Variants in CDS2 observed in about 807,000 individuals in gnomAD.
The protein encoded by CDS2 is CDP-diacylglycerol synthase 2.
A neutral mutation model predicts 59.0 loss-of-function variants in CDS2; 47 were observed. The ratio of observed to expected loss-of-function variants is 0.80; its 90% CI spans 0.63 to 1.02. The LOEUF (loss-of-function observed/expected upper bound fraction) is 1.02, where lower values mean the gene tolerates loss of function less well. CDS2 is among the 50% of genes least tolerant of loss of function. The pLI, the probability that CDS2 is intolerant of heterozygous loss-of-function variation, is 0.00. For synonymous variants in CDS2, 207 were observed against 206.4 expected, an observed-to-expected ratio of 1.00 and a Z score of -0.02; for missense variants, 356 against 558.9, an observed-to-expected ratio of 0.64 and a Z score of 3.66.
intron 1 of CDS2, among the ~76,000 whole-genome samples, chr20:5,137,106 A>T (rs556187528): frequency 5.9e-5 from 9 of 151,932 alleles, no homozygotes. Flanking sequence ...GCCACAAAGG[A>T]TATGATTTTA....
intron 1 of CDS2, among the ~76,000 whole-genome samples, chr20:5,135,590 G>C (rs991718902): frequency 1.3e-5 from 2 of 152,174 alleles, no homozygotes; most frequent in African/African-American, 4.8e-5. Context: ...TTGTCATGTG[G>C]TGGTTACTTG....
intron 10 of CDS2, among the ~76,000 whole-genome samples, chr20:5,188,418 C>A (rs1261685384): frequency 6.6e-6 from 1 of 152,160 alleles, no homozygotes; most frequent in Non-Finnish European, 1.5e-5. Context: ...TATCTGCGTA[C>A]GGCTGGATTT....
chr20:5,161,585 A>G (rs61215313), intron 1 of CDS2, among the ~76,000 whole-genome samples: 3,791 of 152,360 alleles, frequency 0.025, 69 homozygotes, highest in East Asian at 0.08. Context: ...CAGTATAGAC[A>G]TAGTTTTATA....
intron 1 of CDS2, among the ~76,000 whole-genome samples, chr20:5,162,847 G>C (rs1245596843): frequency 6.6e-6 from 1 of 152,138 alleles, no homozygotes; most frequent in East Asian, 1.9e-4. Context: ...GCTGAGAGGA[G>C]AATGTTTCAA....
At chr20:5,179,036 G>C in intron 5 of CDS2, 80 bp downstream of exon 5, 1 of 1,388,458 alleles carries the variant, frequency 7.2e-7, no homozygotes. Context: ...GGAATTTCTT[G>C]GTTAGTATAC....
At chr20:5,130,910 T>C (rs2090601099) in intron 1 of CDS2, among the ~76,000 whole-genome samples, 1 of 148,090 alleles carries the variant, frequency 6.8e-6, no homozygotes, top group Non-Finnish European at 1.5e-5. Context: ...GCTAACATGG[T>C]GAAACCCCAT....
chr20:5,144,688 A>T (rs2090724863), intron 1 of CDS2, among the ~76,000 whole-genome samples: 1 of 152,238 alleles, frequency 6.6e-6, no homozygotes, highest in Non-Finnish European at 1.5e-5. Flanking sequence ...GTAAATTTTG[A>T]GACAAAATGT....
rs1216918690 is a variant in CDS2, at chr20:5,196,083, C to G, written c.*5849C>G. On this transcript the variant is annotated 3_prime_UTR_variant, in exon 13 of 13. Coordinates refer to ENST00000460006, the MANE Select transcript of CDS2 (RefSeq NM_003818.4). ...CTACTGGTTTGACTGTGGATTATTT[C>G]CTGGGTATTAGTGGGACCCAACAGC... The G allele has an allele frequency of 6.6e-6, 1 of 152,070 alleles. No individual in the cohort carries two copies. Among genetic ancestry groups the G allele is most frequent in the East Asian group, 1.9e-4 (1 of 5,190 alleles). The allele number at this position is 152,070 out of a possible 1,614,324, so 9.4% of individuals were successfully genotyped here. A position where few individuals can be genotyped will look rare whatever the true frequency, so the allele number is the denominator to read the frequency against.
At chr20:5,164,268 G>A (rs1446676700) in intron 1 of CDS2, among the ~76,000 whole-genome samples, 3 of 152,090 alleles carry the variant, frequency 2.0e-5, no homozygotes, top group Admixed American at 2.0e-4. Flanking sequence ...ACAATATAAT[G>A]TTCCAATATG....
intron 3 of CDS2, chr20:5,176,294 C>T (rs930820535): frequency 3.8e-5 from 7 of 182,766 alleles, no homozygotes; most frequent in Admixed American, 1.7e-4. Context: ...CGGTGGCTCA[C>T]GCCTGTAATC....
At position 5,178,892 on chromosome 20, in the gene CDS2, A is replaced by G. The variant is rs1242302631; in HGVS notation, c.465A>G (p.Arg155=). ...ATTACTTCTTCACCCTGGTCCAGAG[A>G]GAAGAGCCTTTGCGGATTCTCAGTA... ...VTDYFFTLVQ[R]EEPLRILSKY... The change falls in exon 5 of 13, where the codon AGA becomes AGG. Residue 155 remains arginine (R), a synonymous_variant. Transcript: ENST00000460006. 5.0e-6 allele frequency: 8 copies of G among 1,613,552 alleles called. No individual in the cohort carries two copies. The highest frequency in any genetic ancestry group is 3.3e-5 in the Admixed American group (2 of 60,010).
intron 1 of CDS2, among the ~76,000 whole-genome samples, chr20:5,159,160 A>G (rs1384481809): frequency 1.3e-5 from 2 of 152,094 alleles, no homozygotes; most frequent in African/African-American, 4.8e-5. Flanking sequence ...CTAATGTGTT[A>G]CATTTTCTTT....
chr20:5,134,874 G>A (rs889187139), intron 1 of CDS2, among the ~76,000 whole-genome samples: 1 of 152,096 alleles, frequency 6.6e-6, no homozygotes, highest in Non-Finnish European at 1.5e-5. Context: ...TCTAACAGCT[G>A]ATGGATATGG....
chr20:5,191,151 G>C lies in CDS2; in HGVS notation c.*917G>C, dbSNP rs922395330. ...GCCTGAACACCCATGTAGCTGCTGT[G>C]TTGTGTATATATTACTCTTAAGAGG... is the stretch of plus-strand genomic sequence containing the variant. On this transcript the variant is annotated 3_prime_UTR_variant, in exon 13 of 13. Transcript: ENST00000460006. 2.6e-5 allele frequency: 4 copies of C among 152,592 alleles called. No individual in the cohort carries two copies. The highest frequency in any genetic ancestry group is 4.8e-5 in the African/African-American group (2 of 41,422). 9.5% of individuals were successfully genotyped at this position (152,592 alleles called of 1,614,324 possible).
Position 5,193,339 on chromosome 20 carries a change from T to C in CDS2, c.*3105T>C, listed in dbSNP as rs2123079125. 6.6e-6 allele frequency: 1 copy of C among 152,366 alleles called. No individual in the cohort carries two copies. The highest frequency in any genetic ancestry group is 2.4e-5 in the African/African-American group (1 of 41,594). 9.4% of individuals were successfully genotyped at this position (152,366 alleles called of 1,614,324 possible). A position where few individuals can be genotyped will look rare whatever the true frequency, so the allele number is the denominator to read the frequency against. On this transcript the variant is annotated 3_prime_UTR_variant, in exon 13 of 13. Transcript: ENST00000460006. ...CTTAGTATTGTACAGCCCTATAATG[T>C]ATGAGAACTAGTTTCACATCCTTTG... is the stretch of plus-strand genomic sequence containing the variant.
rs1036602517 is a variant in CDS2 at position 5,195,312 on chromosome 20, C to G, written c.*5078C>G. 1 of 152,320 alleles carries G rather than the reference C, an allele frequency of 6.6e-6. No individual in the cohort carries two copies. The highest frequency in any genetic ancestry group is 1.5e-5 in the Non-Finnish European group (1 of 68,100). The allele number at this position is 152,320 out of a possible 1,614,324, so 9.4% of individuals were successfully genotyped here. On this transcript the variant is annotated 3_prime_UTR_variant, in exon 13 of 13. Coordinates refer to ENST00000460006, the MANE Select transcript of CDS2 (RefSeq NM_003818.4). ...CACCACCCTGCACACAGTCTGGGTC[C>G]CTCCGAGAGAAGCACGCCAACCTTA...
rs763734819 is a variant in CDS2 at position 5,173,645 on chromosome 20, C to T, written c.180C>T (p.Ser60=). 4 of 1,614,002 alleles carry T rather than the reference C, an allele frequency of 2.5e-6. No homozygotes were observed. Among genetic ancestry groups the T allele is most frequent in the South Asian group, 2.2e-5 (2 of 91,084 alleles). The part of the protein sequence containing the change: ...DTPEVLNRAL[S]NLSSRWKNWW... ...CGGAGGTCCTCAATAGGGCCCTTTC[C>T]AACTTGTCTTCAAGGTAACCTGGCT... is the stretch of plus-strand genomic sequence containing the variant. Residue 60 remains serine (S), a synonymous_variant, in exon 2 of 13, where the codon TCC becomes TCT. Coordinates refer to ENST00000460006, the MANE Select transcript of CDS2 (RefSeq NM_003818.4).
chr20:5,144,008 G>T (rs1034557550), intron 1 of CDS2, among the ~76,000 whole-genome samples: 1 of 151,828 alleles, frequency 6.6e-6, no homozygotes, highest in African/African-American at 2.4e-5. Context: ...CAAGTGATCC[G>T]CCCACCTTGA....
intron 1 of CDS2, among the ~76,000 whole-genome samples, chr20:5,133,406 T>C (rs1407848213): frequency 6.6e-6 from 1 of 152,050 alleles, no homozygotes; most frequent in African/African-American, 2.4e-5. Context: ...GCCTGAGCCA[T>C]GGCACCCGGC....
Sources: gnomAD v4.1 joint callset for allele counts (sites outside exome capture counted in the v4.1 genomes callset) on GRCh38, gnomAD v4.1.1 for gene constraint, MANE v1.5 for transcripts, NCBI Gene and HGNC (gene_info 2026-07-23, HGNC 2026-07-21) for gene names.